Variants in FRAS1 observed in about 807,000 individuals in gnomAD.
FRAS1 encodes Fraser extracellular matrix complex subunit 1.
A neutral mutation model predicts 435.2 loss-of-function variants in FRAS1; 290 were observed. That is an observed-to-expected ratio of 0.67 (90% confidence interval 0.61 to 0.73). The LOEUF (loss-of-function observed/expected upper bound fraction) is 0.73. Ranked by LOEUF, FRAS1 falls within the 30% of genes least tolerant of loss-of-function variation. The probability of loss-of-function intolerance (pLI) is 0.00; values close to 1 mark genes in which losing one functional copy is unlikely to be tolerated. For synonymous variants in FRAS1, 1,800 were observed against 1,851.0 expected (o/e 0.97, Z 0.71); for missense variants, 4,860 against 5,001.5 (o/e 0.97, Z 0.85).
At chr4:78,536,802 G>GA (rs1721896907) in intron 71 of FRAS1, among the ~76,000 whole-genome samples, 193 bp from the exon 72 acceptor site, 1 of 151,926 alleles carries the variant, frequency 6.6e-6, no homozygotes, top group East Asian at 1.9e-4. Flanking sequence ...AAAACTCAGA[G>GA]AAAAAAAGAA....
At chr4:78,061,642 T>G (rs1739765880) in intron 1 of FRAS1, among the ~76,000 whole-genome samples, 2 of 152,236 alleles carry the variant, frequency 1.3e-5, no homozygotes, top group South Asian at 2.1e-4. Context: ...CAGAGTTGTT[T>G]CACTGAGAGA....
At chr4:78,518,418 TTG>T (rs1054917840) in intron 66 of FRAS1, among the ~76,000 whole-genome samples, 26 of 83,828 alleles carry the variant, frequency 3.1e-4, no homozygotes, top group South Asian at 5.3e-4. Flanking sequence ...AGTTTTTTTG[TTG>T]TGTATATATA....
chr4:78,202,582 T>C (rs1723088632), intron 2 of FRAS1, among the ~76,000 whole-genome samples: 1 of 152,070 alleles, frequency 6.6e-6, no homozygotes, highest in Non-Finnish European at 1.5e-5. Flanking sequence ...TCCCAGCTAC[T>C]CGGGAGGCTG....
chr4:78,263,117 T>A (rs1204302974), intron 6 of FRAS1, among the ~76,000 whole-genome samples: 2 of 152,160 alleles, frequency 1.3e-5, no homozygotes, highest in African/African-American at 4.8e-5. Context: ...AATTCAGGTG[T>A]ATGGTAACAA....
chr4:78,234,310 C>T (rs1372713373), intron 2 of FRAS1, among the ~76,000 whole-genome samples: 1 of 152,074 alleles, frequency 6.6e-6, no homozygotes, highest in Non-Finnish European at 1.5e-5. Flanking sequence ...ACTGCAAGCT[C>T]CGCCTCCCGG....
At chr4:78,477,754 G>A in intron 54 of FRAS1, 61 bp from the exon 55 acceptor site, 1 of 1,562,404 alleles carries the variant, frequency 6.4e-7, no homozygotes, top group East Asian at 2.3e-5. Context: ...TGATGCCCTG[G>A]GGAAGCAGAG....
intron 34 of FRAS1, among the ~76,000 whole-genome samples, chr4:78,422,548 C>A (rs1303932527): frequency 6.6e-6 from 1 of 151,010 alleles, no homozygotes; most frequent in African/African-American, 2.4e-5. Flanking sequence ...GAAGGAAGAG[C>A]ACTAGCTCCA....
chr4:78,284,903 A>G (rs373884533), intron 13 of FRAS1, among the ~76,000 whole-genome samples: 1 of 152,196 alleles, frequency 6.6e-6, no homozygotes, highest in Admixed American at 6.5e-5. Flanking sequence ...GCACTCAATT[A>G]ATCCGGGATA....
intron 61 of FRAS1, among the ~76,000 whole-genome samples, chr4:78,504,416 A>G (rs1349529402): frequency 1.3e-5 from 2 of 152,196 alleles, no homozygotes; most frequent in Middle Eastern, 3.2e-3. Flanking sequence ...TATTGGGTGT[A>G]TATACATTTA....
intron 59 of FRAS1, among the ~76,000 whole-genome samples, chr4:78,492,466 A>G (rs1243724375): frequency 6.6e-6 from 1 of 152,200 alleles, no homozygotes; most frequent in African/African-American, 2.4e-5. Context: ...AATGGAACAG[A>G]ACAGAGGCCT....
chr4:78,359,115 G>T (rs1477845945), intron 20 of FRAS1, among the ~76,000 whole-genome samples: 1 of 152,064 alleles, frequency 6.6e-6, no homozygotes, highest in South Asian at 2.1e-4. Flanking sequence ...TTACTTTGTA[G>T]TCAGAAAAAT....
chr4:78,171,396 G>A (rs551271204), intron 2 of FRAS1, among the ~76,000 whole-genome samples: 1 of 152,176 alleles, frequency 6.6e-6, no homozygotes, highest in African/African-American at 2.4e-5. Context: ...TGTTTTACAT[G>A]TGCCCACACA....
chr4:78,377,077 A>G (rs1307531808), intron 26 of FRAS1, among the ~76,000 whole-genome samples: 1 of 152,196 alleles, frequency 6.6e-6, no homozygotes. Flanking sequence ...ACCTTAAATA[A>G]CAAAGAGAAG....
Position 78,478,147 on chromosome 4 carries a change from G to A in FRAS1, c.8098+86G>A, listed in dbSNP as rs992868265. The A allele has an allele frequency of 5.8e-6, 8 of 1,382,550 alleles. No homozygotes were observed. The African/African-American group carries it at 7.3e-5, about 13-fold the overall frequency. 85.6% of individuals were successfully genotyped at this position (1,382,550 alleles called of 1,614,324 possible). A position where few individuals can be genotyped will look rare whatever the true frequency, so the allele number is the denominator to read the frequency against. ...ATTATGTGCTAAGCACTCATCTCAT[G>A]CATTATCTTAACTCACATGTGTACT... On this transcript the variant is annotated intron_variant, in intron 55 of 73. Coordinates refer to ENST00000512123, the MANE Select transcript of FRAS1 (RefSeq NM_025074.7).
intron 60 of FRAS1, 106 bp from the exon 61 acceptor site, chr4:78,499,615 A>G: frequency 9.3e-7 from 1 of 1,079,708 alleles, no homozygotes. Flanking sequence ...CATACTGTTA[A>G]CTAATGTGAA....
chr4:78,196,042 C>G (rs553663875), intron 2 of FRAS1, among the ~76,000 whole-genome samples: 1 of 150,928 alleles, frequency 6.6e-6, no homozygotes, highest in Non-Finnish European at 1.5e-5. Context: ...GAGTCTTGCT[C>G]TGTCACCCAG....
chr4:78,429,828 A>G (rs1374839061), intron 36 of FRAS1, among the ~76,000 whole-genome samples: 1 of 152,250 alleles, frequency 6.6e-6, no homozygotes, highest in Non-Finnish European at 1.5e-5. Context: ...ACTTACAAAT[A>G]AGCCATGTGT....
chr4:78,175,102 C>A (rs1305141010), intron 2 of FRAS1, among the ~76,000 whole-genome samples: 1 of 152,204 alleles, frequency 6.6e-6, no homozygotes, highest in Non-Finnish European at 1.5e-5. Flanking sequence ...GCTGGCTGCT[C>A]TCCACCGGCC....
intron 2 of FRAS1, among the ~76,000 whole-genome samples, chr4:78,095,286 G>T (rs1460582297): frequency 6.6e-6 from 1 of 152,160 alleles, no homozygotes; most frequent in African/African-American, 2.4e-5. Flanking sequence ...TTTCCAGATG[G>T]CCTATTACAT....
Sources: allele counts gnomAD v4.1 joint callset (sites outside exome capture counted in the v4.1 genomes callset), GRCh38; gene constraint gnomAD v4.1.1; transcripts MANE v1.5; gene names NCBI Gene and HGNC (gene_info 2026-07-23, HGNC 2026-07-21).